TRAK1: variants seen among roughly 807,000 people sequenced by gnomAD.
TRAK1 encodes trafficking kinesin protein 1.
A neutral mutation model predicts 92.1 loss-of-function variants in TRAK1; 33 were observed. That is an observed-to-expected ratio of 0.36 (90% CI 0.27 to 0.48). The LOEUF (loss-of-function observed/expected upper bound fraction) is 0.48, where lower values mean the gene tolerates loss of function less well. Among genes scored for constraint, TRAK1 ranks in the 20% least tolerant of loss-of-function variants. TRAK1 has a pLI of 0.99. For missense variants in TRAK1, 1,123 were observed against 1,257.9 expected (o/e 0.89, Z 1.62); for synonymous variants, 521 against 517.3 (o/e 1.01, Z -0.10).
intron 1 of TRAK1, among the ~76,000 whole-genome samples, chr3:42,110,286 G>A (rs1018490400): frequency 1.6e-4 from 25 of 151,628 alleles, no homozygotes; most frequent in Non-Finnish European, 3.1e-4. Flanking sequence ...AAACAATAGA[G>A]GGAAAGGCTG....
At chr3:42,066,608 C>G (rs1271291369) in intron 1 of TRAK1, among the ~76,000 whole-genome samples, 1 of 152,094 alleles carries the variant, frequency 6.6e-6, no homozygotes, top group African/African-American at 2.4e-5. Flanking sequence ...TTAGGCACGG[C>G]TCAGTCCTCC....
rs1710637894 is a variant in TRAK1 at position 42,224,526 on chromosome 3, A to G, written c.*789A>G. The stretch of plus-strand genomic sequence containing the variant: ...TTTTTACATATATATGCAGGGAAGT[A>G]ATGGTACTGGTAGTGTATGTTTTCT... On this transcript the variant is annotated 3_prime_UTR_variant, in exon 16 of 16. Coordinates refer to ENST00000327628, the MANE Select transcript of TRAK1 (RefSeq NM_001042646.3). 6.1e-6 allele frequency: 1 copy of G among 165,144 alleles called. No individual in the cohort carries two copies. The allele number at this position is 165,144 out of a possible 1,614,324, so 10.2% of individuals were successfully genotyped here.
intron 1 of TRAK1, among the ~76,000 whole-genome samples, chr3:42,116,421 C>G (rs1326352375): frequency 6.6e-6 from 1 of 152,238 alleles, no homozygotes; most frequent in Non-Finnish European, 1.5e-5. Flanking sequence ...ACTGCATAGT[C>G]CCTTGATAGA....
chr3:42,222,916 GA>G (rs752726841), intron 15 of TRAK1, 25 bp from the exon 16 acceptor site: 4 of 1,597,234 alleles, frequency 2.5e-6, no homozygotes, highest in Non-Finnish European at 3.4e-6. Context: ...CATTTCTGGT[GA>G]ATAACCTGTC....
intron 2 of TRAK1, among the ~76,000 whole-genome samples, chr3:42,148,615 C>T (rs568907673): frequency 3.3e-5 from 5 of 152,336 alleles, no homozygotes; most frequent in African/African-American, 1.2e-4. Context: ...GCCTTGATTA[C>T]ACATGTACGT....
chr3:42,107,744 A>G (rs1707787525), intron 1 of TRAK1, among the ~76,000 whole-genome samples: 1 of 152,026 alleles, frequency 6.6e-6, no homozygotes, highest in South Asian at 2.1e-4. Context: ...TTTAAAGGTA[A>G]CTATCTGTAT....
At chr3:42,220,577 C>T (rs1294147430) in intron 15 of TRAK1, 10 of 985,294 alleles carry the variant, frequency 1.0e-5, no homozygotes, top group African/African-American at 7.0e-5. Context: ...TCTGAGCCCA[C>T]GGGCGAGGCA....
Position 42,202,210 on chromosome 3 carries a change from C to T in TRAK1, c.1428-226C>T, listed in dbSNP as rs904334204. ...GTCTGTGTGCAGATATTCATCCCACCTTAGTCCTCACCCCACCTCAACCCC... is the reference window on the plus strand; with the variant it reads ...GTCTGTGTGCAGATATTCATCCCACTTTAGTCCTCACCCCACCTCAACCCC... On this transcript the variant is annotated intron_variant, in intron 12 of 15. Transcript: ENST00000327628. This position sits in a 1 kb window ranked among gnomAD's most constrained non-coding sequence, Gnocchi z 6.1. Among the ~76,000 whole-genome samples the T allele has an allele frequency of 1.3e-5, 2 of 152,160 alleles. No individual in the cohort carries two copies. Among genetic ancestry groups the T allele is most frequent in the African/African-American group, 4.8e-5 (2 of 41,434 alleles).
chr3:42,130,045 A>G (rs1471932941), intron 2 of TRAK1, among the ~76,000 whole-genome samples: 1 of 152,178 alleles, frequency 6.6e-6, no homozygotes, highest in Non-Finnish European at 1.5e-5. Flanking sequence ...CATTGTCCCA[A>G]GTGACACTTA....
rs767416014 is a variant in TRAK1 at position 42,202,466 on chromosome 3, G to A, written c.1458G>A (p.Thr486=). 36 of 1,483,002 alleles carry A rather than the reference G, an allele frequency of 2.4e-5. No homozygotes were observed. Among genetic ancestry groups the A allele is most frequent in the Non-Finnish European group, 3.0e-5 (33 of 1,112,800 alleles). 91.9% of individuals were successfully genotyped at this position (1,483,002 alleles called of 1,614,324 possible). The part of the protein sequence containing the change: ...GNDERSKKPG[T]PGTPGSHDLE... ...ATGAGCGGAGTAAGAAGCCGGGGAC[G>A]CCGGGCACCCCAGGCTCCCACGACC... Residue 486 remains threonine, a synonymous_variant, in exon 13 of 16, where the codon ACG becomes ACA. Coordinates refer to ENST00000327628, the MANE Select transcript of TRAK1 (RefSeq NM_001042646.3). This position sits in a 1 kb window ranked among gnomAD's most constrained non-coding sequence, Gnocchi z 6.1.
chr3:42,211,713 T>A, intron 14 of TRAK1: 1 of 985,432 alleles, frequency 1.0e-6, no homozygotes. Flanking sequence ...AGAACTTACC[T>A]TGGAGGATAG....
intron 10 of TRAK1, among the ~76,000 whole-genome samples, chr3:42,195,887 C>T (rs1051410316): frequency 5.3e-5 from 8 of 152,208 alleles, no homozygotes; most frequent in African/African-American, 1.7e-4. Flanking sequence ...TTGGCTCACA[C>T]GCTGGCCTGT....
chr3:42,196,531 CTCT>C (rs1254887440), intron 10 of TRAK1, among the ~76,000 whole-genome samples: 25 of 146,926 alleles, frequency 1.7e-4, no homozygotes, highest in South Asian at 4.4e-4. Flanking sequence ...ATTTCTTTTT[CTCT>C]TCTTCTTTTT....
intron 2 of TRAK1, among the ~76,000 whole-genome samples, chr3:42,167,087 C>T (rs188663272): frequency 1.3e-3 from 202 of 152,344 alleles, no homozygotes; most frequent in African/African-American, 4.6e-3. Flanking sequence ...TACTGCTCCT[C>T]CCAAGTAAGA....
intron 1 of TRAK1, among the ~76,000 whole-genome samples, chr3:42,095,268 C>G (rs1186562052): frequency 2.0e-5 from 3 of 152,158 alleles, no homozygotes. Flanking sequence ...ACTGTTACCA[C>G]CTTCACGTTT....
intron 10 of TRAK1, among the ~76,000 whole-genome samples, chr3:42,196,702 T>A (rs1706702236): frequency 1.5e-5 from 1 of 65,076 alleles, no homozygotes; most frequent in Non-Finnish European, 3.2e-5. Context: ...CACGCCCGGC[T>A]AATTTTTTTT....
chr3:42,191,271 C>T (rs1328443593), intron 6 of TRAK1, among the ~76,000 whole-genome samples: 4 of 152,146 alleles, frequency 2.6e-5, no homozygotes, highest in South Asian at 2.1e-4. Context: ...TGGTGGTGTT[C>T]GTGGTGTTTT....
rs750696956 is a variant in TRAK1, at chr3:42,189,059, C to G, written c.625C>G (p.His209Asp). The G allele has an allele frequency of 4.3e-6, 7 of 1,614,178 alleles. No homozygotes were observed. The East Asian group carries it at 6.7e-5, about 15-fold the overall frequency. ...ESSSSVQNYF[H>D]LDSLQKKLKD... is the part of the protein sequence containing the mutation. ...GTCCTCCTCAGTCCAGAATTACTTTCATTTGGATTCTCTTCAAAAGAAGCT... is the reference window on the plus strand; with the variant it reads ...GTCCTCCTCAGTCCAGAATTACTTTGATTTGGATTCTCTTCAAAAGAAGCT... The change falls in exon 6 of 16, where the codon CAT becomes GAT. Residue 209 changes from histidine (H) to aspartate (D), a missense_variant. His to Asp is a moderately conservative substitution (Grantham distance 81). Transcript: ENST00000327628.
At chr3:42,155,132 G>T (rs934534873) in intron 2 of TRAK1, among the ~76,000 whole-genome samples, 1 of 152,038 alleles carries the variant, frequency 6.6e-6, no homozygotes, top group Non-Finnish European at 1.5e-5. Context: ...AGAATTTGGC[G>T]GGTTCTGTGT....
Sources: gnomAD v4.1 joint callset for allele counts (sites outside exome capture counted in the v4.1 genomes callset) on GRCh38, gnomAD v4.1.1 for gene constraint, Gnocchi (gnomAD v3.1) non-coding constraint, MANE v1.5 for transcripts, NCBI Gene and HGNC (gene_info 2026-07-23, HGNC 2026-07-21) for gene names.